CCNJL: variants seen among roughly 807,000 people sequenced by gnomAD.
CCNJL encodes the protein cyclin-J-like protein.
A neutral mutation model predicts 33.4 loss-of-function variants in CCNJL; 33 were observed. The observed-to-expected ratio is 0.99, with a 90% CI of 0.75 to 1.32. The LOEUF (loss-of-function observed/expected upper bound fraction) is 1.32. Among genes scored for constraint, CCNJL ranks in the 40% most tolerant of loss-of-function variants. The probability of loss-of-function intolerance (pLI) is 0.00; values close to 1 mark genes in which losing one functional copy is unlikely to be tolerated. For synonymous variants in CCNJL, 227 were observed against 220.9 expected (o/e 1.03, Z -0.24); for missense variants, 512 against 499.7 (o/e 1.02, Z -0.23).
chr5:160,259,675 T>A lies in CCNJL; in HGVS notation c.377A>T (p.Glu126Val), dbSNP rs1271509566. The change falls in exon 4 of 6, where the codon GAG becomes GTG. Residue 126 changes from glutamate (E) to valine (V), a missense_variant. Glu to Val is a moderately radical substitution (Grantham distance 121). Coordinates refer to ENST00000257536, the MANE Select transcript of CCNJL (RefSeq NM_001308173.3). ...SSQNFTLTKK[E>V]LLSTELLLLE... ...GAGCAGCAGCTCTGTGCTCAGCAGC[T>A]CCTTCTTGGTGAGGGTGAAGTTCTG... is the stretch of plus-strand genomic sequence containing the variant. 2.5e-6 allele frequency: 4 copies of A among 1,614,022 alleles called. No homozygotes were observed. The highest frequency in any genetic ancestry group is 3.3e-5 in the Admixed American group (2 of 60,002).
At position 160,255,551 on chromosome 5, in the gene CCNJL, C is replaced by T; in HGVS notation, c.741G>A (p.Leu247=). ...CAGGATTCAGGGGAGAAACTTACAC[C>T]AGCAGGATTTCAATACACGTGCTGA... is the stretch of plus-strand genomic sequence containing the variant. ...EHLSTCIEIL[L]VVYDNVLKDA... The change falls in exon 5 of 6, where the codon CTG becomes CTA. Residue 247 remains leucine (L), a splice_region_variant and synonymous_variant. Transcript: ENST00000257536. The T allele has an allele frequency of 6.2e-7, 1 of 1,613,930 alleles. No individual in the cohort carries two copies. Among genetic ancestry groups the T allele is most frequent in the Non-Finnish European group, 8.5e-7 (1 of 1,179,870 alleles).
intron 3 of CCNJL, among the ~76,000 whole-genome samples, chr5:160,266,022 C>T (rs1398320048): frequency 6.6e-6 from 1 of 152,234 alleles, no homozygotes; most frequent in Non-Finnish European, 1.5e-5. Context: ...TAGCTATCCC[C>T]ATGCCCCTCC....
intron 1 of CCNJL, among the ~76,000 whole-genome samples, chr5:160,320,999 T>C (rs912182173): frequency 1.7e-5 from 1 of 57,710 alleles, no homozygotes; most frequent in Non-Finnish European, 3.3e-5. Flanking sequence ...TCTTTCTTTC[T>C]CTCTCTCTCT....
At chr5:160,325,270 TA>T (rs1461978839) in intron 1 of CCNJL, among the ~76,000 whole-genome samples, 1 of 152,204 alleles carries the variant, frequency 6.6e-6, no homozygotes, top group Non-Finnish European at 1.5e-5. Flanking sequence ...CCCCAATTGT[TA>T]ATGGGCATTG....
chr5:160,304,672 TG>T (rs981493195), intron 2 of CCNJL, among the ~76,000 whole-genome samples: 1 of 152,082 alleles, frequency 6.6e-6, no homozygotes, highest in African/African-American at 2.4e-5. Flanking sequence ...TTGGTAGATC[TG>T]GGGGCATCTT....
chr5:160,325,167 T>A (rs1041712125), intron 1 of CCNJL, among the ~76,000 whole-genome samples: 1 of 152,200 alleles, frequency 6.6e-6, no homozygotes, highest in Non-Finnish European at 1.5e-5. Flanking sequence ...AAATTGGGCA[T>A]GTTGGCTCTG....
At chr5:160,274,406 C>T (rs1274158842) in intron 3 of CCNJL, among the ~76,000 whole-genome samples, 1 of 152,050 alleles carries the variant, frequency 6.6e-6, no homozygotes, top group East Asian at 1.9e-4. Flanking sequence ...TTGCAATGAG[C>T]CAAGATCATG....
chr5:160,297,494 C>T (rs945266162), intron 2 of CCNJL, among the ~76,000 whole-genome samples: 4 of 151,864 alleles, frequency 2.6e-5, no homozygotes, highest in East Asian at 1.9e-4. Context: ...CAAAAATTCC[C>T]GCAGAAACCA....
chr5:160,300,961 A>T (rs1762901386), intron 2 of CCNJL, among the ~76,000 whole-genome samples: 1 of 152,222 alleles, frequency 6.6e-6, no homozygotes, highest in Non-Finnish European at 1.5e-5. Context: ...CTGGAAGTAT[A>T]CTAGCGCAAT....
chr5:160,326,429 T>G (rs1015573240), intron 1 of CCNJL, among the ~76,000 whole-genome samples: 1 of 140,680 alleles, frequency 7.1e-6, no homozygotes, highest in African/African-American at 2.7e-5. Flanking sequence ...GAGCAAAGAT[T>G]GTACCACTGC....
chr5:160,277,047 C>A (rs1475127916), intron 3 of CCNJL, among the ~76,000 whole-genome samples: 1 of 152,174 alleles, frequency 6.6e-6, no homozygotes, highest in Non-Finnish European at 1.5e-5. Context: ...CCTGCCTCAG[C>A]CTCCCAAAGT....
chr5:160,310,832 A>T (rs1339568673), intron 2 of CCNJL, among the ~76,000 whole-genome samples: 1 of 152,206 alleles, frequency 6.6e-6, no homozygotes, highest in Non-Finnish European at 1.5e-5. Context: ...AATGCCAAGG[A>T]TGACCAAGCA....
rs1253195081 is a variant in CCNJL at position 160,252,535 on chromosome 5, C to T, written c.*843G>A. On this transcript the variant is annotated 3_prime_UTR_variant, in exon 6 of 6. Transcript: ENST00000257536. ...ACGTGGAATCTTCCGGAACCGAGAG[C>T]TGGGAAAATGGTTCTCTCCAACCAT... The T allele has an allele frequency of 5.2e-5, 8 of 152,644 alleles. No individual in the cohort carries two copies. In the East Asian group the frequency reaches 1.2e-3, roughly 22 times the overall value. The allele number at this position is 152,644 out of a possible 1,614,324, so 9.5% of individuals were successfully genotyped here.
chr5:160,287,081 G>A (rs538691268), intron 2 of CCNJL, among the ~76,000 whole-genome samples: 1 of 152,150 alleles, frequency 6.6e-6, no homozygotes, highest in Non-Finnish European at 1.5e-5. Context: ...GTGAGGTCAG[G>A]CAGTTCTGGG....
intron 3 of CCNJL, among the ~76,000 whole-genome samples, chr5:160,270,148 CAA>C (rs1192230824): frequency 1.4e-5 from 2 of 140,550 alleles, no homozygotes; most frequent in Non-Finnish European, 1.6e-5. Flanking sequence ...TTGTCTCTAC[CAA>C]AAAAAAAAAA....
At chr5:160,258,431 T>C (rs1761167185) in intron 4 of CCNJL, 3 of 931,304 alleles carry the variant, frequency 3.2e-6, no homozygotes, top group Non-Finnish European at 5.4e-6. Context: ...AATGACAGGA[T>C]GTTTCACATG....
At chr5:160,269,258 G>C (rs1044175671) in intron 3 of CCNJL, among the ~76,000 whole-genome samples, 1 of 152,162 alleles carries the variant, frequency 6.6e-6, no homozygotes, top group Non-Finnish European at 1.5e-5. Context: ...GTTCCTTTGT[G>C]CTCCGCTTTA....
At chr5:160,274,919 A>T (rs538655070) in intron 3 of CCNJL, 2 of 152,548 alleles carry the variant, frequency 1.3e-5, no homozygotes, top group South Asian at 4.1e-4. Context: ...TTGCCATTAG[A>T]TGGGGAAGAA....
intron 1 of CCNJL, among the ~76,000 whole-genome samples, chr5:160,332,144 A>G (rs911813177): frequency 1.3e-5 from 2 of 152,036 alleles, no homozygotes; most frequent in Admixed American, 6.6e-5. Context: ...TTCCTTATAC[A>G]CTAAGAACAT....
Sources: allele counts gnomAD v4.1 joint callset (sites outside exome capture counted in the v4.1 genomes callset), GRCh38; gene constraint gnomAD v4.1.1; transcripts MANE v1.5; gene names NCBI Gene and HGNC (gene_info 2026-07-23, HGNC 2026-07-21).